Variants in TTN observed in about 807,000 individuals in gnomAD.
The protein encoded by TTN is connectin.
In TTN, 1,525 loss-of-function variants were observed where a neutral mutation model predicts 3,223.0. The ratio of observed to expected loss-of-function variants is 0.47; its 90% CI spans 0.45 to 0.49. The LOEUF (loss-of-function observed/expected upper bound fraction) is 0.49, where lower values mean the gene tolerates loss of function less well. Ranked by LOEUF, TTN falls within the 20% of genes least tolerant of loss-of-function variation. The pLI, the probability that TTN is intolerant of heterozygous loss-of-function variation, is 0.00. For missense variants in TTN, 40,786 were observed against 43,424.0 expected (o/e 0.94, Z 5.40); for synonymous variants, 14,094 against 15,161.0 (o/e 0.93, Z 5.17).
In TTN at chr2:178,624,417, T is replaced by A. The variant is rs761736420; in HGVS notation, c.44815+48A>T. 3.7e-6 allele frequency: 6 copies of A among 1,605,420 alleles called. No homozygotes were observed. In the Admixed American group the frequency reaches 1.0e-4, roughly 27 times the overall value. On this transcript the variant is annotated intron_variant, in intron 242 of 362. Coordinates refer to ENST00000589042, the MANE Select transcript of TTN (RefSeq NM_001267550.2). ...GTGTTGTGTTGTTTTGTTGTTGTAG[T>A]TATTAAAGAATTGCAAATGAAAAGT... is the stretch of plus-strand genomic sequence containing the variant.
chr2:178,554,735 C>T lies in TTN; in HGVS notation c.88612G>A (p.Gly29538Ser). Residue 29538 changes from glycine (G) to serine (S), a missense_variant, in exon 332 of 363, where the codon GGT (glycine) becomes AGT (serine). Physicochemically the swap from Gly to Ser is moderately conservative, Grantham distance 56. Coordinates refer to ENST00000589042, the MANE Select transcript of TTN (RefSeq NM_001267550.2). ...VQILDKPGPP[G>S]GPIEFKTVTA... ...ACAGTCTTAAATTCAATTGGTCCAC[C>T]AGGTGGGCCTGGTTTGTCTATCAGT... 2 of 1,613,754 alleles carry T rather than the reference C, an allele frequency of 1.2e-6. No individual in the cohort carries two copies. The highest frequency in any genetic ancestry group is 1.7e-6 in the Non-Finnish European group (2 of 1,179,806).
chr2:178,750,571 T>G (rs777091087), intron 47 of TTN: 154 of 1,612,366 alleles, frequency 9.6e-5, no homozygotes, highest in Non-Finnish European at 1.3e-4. Context: ...GAAATGAAGG[T>G]GGGCAACGTT....
rs990374887 is a variant in TTN at position 178,540,215 on chromosome 2, T to A, written c.97951A>T (p.Asn32651Tyr). ...KVDQHEWTKC[N>Y]TTPTKIREYT... is the part of the protein sequence containing the mutation. ...TCTCGAATCTTGGTTGGAGTGGTGT[T>A]ACACTTGGTCCATTCATGTTGATCT... The change falls in exon 351 of 363, where the codon AAC (asparagine) becomes TAC (tyrosine). Residue 32651 changes from asparagine (N) to tyrosine (Y), a missense_variant. Transcript: ENST00000589042. 1.2e-6 allele frequency: 2 copies of A among 1,613,810 alleles called. No individual in the cohort carries two copies. The highest frequency in any genetic ancestry group is 1.7e-6 in the Non-Finnish European group (2 of 1,179,762).
In TTN at chr2:178,689,290, C is replaced by T. The variant is rs769767708; in HGVS notation, c.32011G>A (p.Val10671Met). The T allele has an allele frequency of 1.9e-6, 3 of 1,611,164 alleles. No homozygotes were observed. Among genetic ancestry groups the T allele is most frequent in the Non-Finnish European group, 2.5e-6 (3 of 1,179,234 alleles). The change falls in exon 124 of 363, where the codon GTG becomes ATG. Residue 10671 changes from valine to methionine, a missense_variant and splice_region_variant. Coordinates refer to ENST00000589042, the MANE Select transcript of TTN (RefSeq NM_001267550.2). The stretch of plus-strand genomic sequence containing the variant: ...TCTTGGGAAGATGGAGAAACAATAC[C>T]TTTTGGTGGTGGTGGAACTTCTTCC... Reference protein sequence around the residue: ...KEEEVPPPPKVPALPKKPVPE... With the variant: ...KEEEVPPPPKMPALPKKPVPE...
Position 178,566,407 on chromosome 2 carries a change from T to A in TTN, c.79725A>T (p.Thr26575=). The stretch of plus-strand genomic sequence containing the variant: ...CTGGTTTCACAGTACCAGGAACTGA[T>A]GTAGCCTCACCTAAACCAACTTTGT... The part of the protein sequence containing the change: ...ALNKVGLGEA[T]SVPGTVKPED... Residue 26575 remains threonine, a synonymous_variant, in exon 326 of 363, where the codon ACA becomes ACT. Coordinates refer to ENST00000589042, the MANE Select transcript of TTN (RefSeq NM_001267550.2). The A allele has an allele frequency of 6.2e-7, 1 of 1,613,512 alleles. No homozygotes were observed. Among genetic ancestry groups the A allele is most frequent in the South Asian group, 1.1e-5 (1 of 91,078 alleles).
In TTN at chr2:178,638,556, C is replaced by CT. The variant is rs879843623; in HGVS notation, c.40877-1138dup. The stretch of plus-strand genomic sequence containing the variant: ...ACTGTGGAATGTAACAAATAGTTCT[C>CT]TTTTTTTTTTTTTAAATTCACCCTG... On this transcript the variant is annotated intron_variant, in intron 223 of 362. Coordinates refer to ENST00000589042, the MANE Select transcript of TTN (RefSeq NM_001267550.2). 1.1e-3 allele frequency among the ~76,000 whole-genome samples: 156 copies of CT among 141,774 alleles called. No homozygotes were observed. In the South Asian group the frequency reaches 0.014, roughly 12 times the overall value. 93.0% of individuals were successfully genotyped at this position (141,774 alleles called of 152,430 possible).
In TTN at chr2:178,530,398, C is replaced by T. The variant is rs371304729; in HGVS notation, c.106217G>A (p.Arg35406Lys). Residue 35406 changes from arginine to lysine, a missense_variant, in exon 358 of 363, where the codon AGA becomes AAA. Coordinates refer to ENST00000589042, the MANE Select transcript of TTN (RefSeq NM_001267550.2). ...DQKTTESTVT[R>K]KTEPKAPEPI... ...TTCAGGAGCTTTTGGTTCAGTTTTTCTGGTTACTGTTGACTCAGTGGTTTT... is the reference window on the plus strand; with the variant it reads ...TTCAGGAGCTTTTGGTTCAGTTTTTTTGGTTACTGTTGACTCAGTGGTTTT... The T allele has an allele frequency of 3.1e-6, 5 of 1,613,790 alleles. No individual in the cohort carries two copies. The Admixed American group carries it at 6.7e-5, about 22-fold the overall frequency.
chr2:178,736,475 G>A (rs958310302), intron 49 of TTN, among the ~76,000 whole-genome samples: 1 of 152,208 alleles, frequency 6.6e-6, no homozygotes, highest in African/African-American at 2.4e-5. Context: ...GATATTAAGT[G>A]ATAAGAAGAT....
chr2:178,577,029 G>T lies in TTN; in HGVS notation c.69306C>A (p.Thr23102=). ...EDIQSCRHVA[T]KLIQGNEYIF... ...TGTACTCATTTCCTTGGATAAGTTT[G>T]GTTGCCACATGCCTGCAAGACTGAA... Residue 23102 remains threonine (T), a synonymous_variant, in exon 324 of 363, where the codon ACC becomes ACA. Transcript: ENST00000589042. 1 of 1,613,438 alleles carries T rather than the reference G, an allele frequency of 6.2e-7. No individual in the cohort carries two copies. Among genetic ancestry groups the T allele is most frequent in the Non-Finnish European group, 8.5e-7 (1 of 1,179,572 alleles).
Position 178,720,995 on chromosome 2 carries a change from T to G in TTN, c.23024A>C (p.Asp7675Ala). 1.2e-6 allele frequency: 2 copies of G among 1,612,476 alleles called. No homozygotes were observed. The highest frequency in any genetic ancestry group is 1.7e-6 in the Non-Finnish European group (2 of 1,178,690). ...LLTINEASAE[D>A]SGDYICEAHN... ...AGCCTCACAAATGTAGTCCCCGCTGTCTTCAGCACTAGCTTCATTGATCGT... is the reference window on the plus strand; with the variant it reads ...AGCCTCACAAATGTAGTCCCCGCTGGCTTCAGCACTAGCTTCATTGATCGT... The change falls in exon 79 of 363, where the codon GAC (aspartate) becomes GCC (alanine). Residue 7675 changes from aspartate to alanine, a missense_variant. Asp to Ala is a moderately radical substitution (Grantham distance 126). Coordinates refer to ENST00000589042, the MANE Select transcript of TTN (RefSeq NM_001267550.2).
rs770277382 is a variant in TTN, at chr2:178,728,647, G to A, written c.19279C>T (p.Pro6427Ser). The A allele has an allele frequency of 9.3e-6, 15 of 1,613,126 alleles. No individual in the cohort carries two copies. In the Admixed American group the frequency reaches 2.5e-4, roughly 27 times the overall value. The change falls in exon 66 of 363, where the codon CCC (proline) becomes TCC (serine). Residue 6427 changes from proline to serine, a missense_variant. Transcript: ENST00000589042. ...AAACTCATTGAAAAGTATCTACTGG[G>A]AACTATTTGTTTCCCGTCTTTAAGC... ...KWLKDGKQIVPSRYFSMSFEN... is the reference protein window; with the variant it reads ...KWLKDGKQIVSSRYFSMSFEN...
intron 293 of TTN, 34 bp from the exon 294 acceptor site, chr2:178,597,853 T>C (rs527943187): frequency 4.3e-6 from 7 of 1,612,412 alleles, no homozygotes; most frequent in Non-Finnish European, 5.9e-6. Flanking sequence ...ATGTGATTTT[T>C]CCCCTTCAAT....
rs2154171639 is a variant in TTN at position 178,574,550 on chromosome 2, T to C, written c.71582A>G (p.Tyr23861Cys). The C allele has an allele frequency of 6.2e-7, 1 of 1,613,588 alleles. No homozygotes were observed. The highest frequency in any genetic ancestry group is 8.5e-7 in the Non-Finnish European group (1 of 1,179,630). Residue 23861 changes from tyrosine (Y) to cysteine (C), a missense_variant, in exon 326 of 363, where the codon TAT (tyrosine) becomes TGT (cysteine). Coordinates refer to ENST00000589042, the MANE Select transcript of TTN (RefSeq NM_001267550.2). Reference protein sequence around the residue: ...LSDGGSPILGYHVERKERNGI... With the variant: ...LSDGGSPILGCHVERKERNGI... ...ATTTCGTTCTTTTCTTTCAACATGA[T>C]ATCCTAAAATGGGGCTTCCACCATC... is the stretch of plus-strand genomic sequence containing the variant.
chr2:178,762,017 G>A (rs552879580), intron 43 of TTN, among the ~76,000 whole-genome samples: 1 of 152,076 alleles, frequency 6.6e-6, no homozygotes, highest in East Asian at 1.9e-4. Flanking sequence ...TAACATTTTC[G>A]CTGTTAGAAA....
Position 178,636,523 on chromosome 2 carries a change from A to G in TTN, c.41204T>C (p.Ile13735Thr), listed in dbSNP as rs2060462916. The change falls in exon 225 of 363, where the codon ATT (isoleucine) becomes ACT (threonine). Residue 13735 changes from isoleucine (I) to threonine (T), a missense_variant. Physicochemically the swap from Ile to Thr is moderately conservative, Grantham distance 89 (BLOSUM62 -1). Transcript: ENST00000589042. The surrounding 1 kb of genome is among the most constrained non-coding windows in gnomAD (Gnocchi z 4.3). ...CAGCTTTCTGTCTTTACCATCTGCA[A>G]TAAACCTGTGCTTGGGACTCTCACG... Reference protein sequence around the residue: ...NIRESPKHRFIADGKDRKLHI... With the variant: ...NIRESPKHRFTADGKDRKLHI... 1.2e-6 allele frequency: 2 copies of G among 1,613,492 alleles called. No homozygotes were observed. Among genetic ancestry groups the G allele is most frequent in the Non-Finnish European group, 1.7e-6 (2 of 1,179,590 alleles).
chr2:178,702,723 G>A, intron 106 of TTN, 60 bp from the exon 107 acceptor site: 1 of 1,472,224 alleles, frequency 6.8e-7, no homozygotes, highest in Non-Finnish European at 9.2e-7. Flanking sequence ...TCTTTTACTT[G>A]CTTTTACCTC....
Position 178,740,635 on chromosome 2 carries a change from C to T in TTN, c.12598G>A (p.Glu4200Lys). The T allele has an allele frequency of 1.2e-6, 2 of 1,613,726 alleles. No homozygotes were observed. The highest frequency in any genetic ancestry group is 1.7e-6 in the Non-Finnish European group (2 of 1,179,806). Reference protein sequence around the residue: ...SIEQINSLTVEPLKTLLAEPE... With the variant: ...SIEQINSLTVKPLKTLLAEPE... ...TCAGCTAATAAAGTTTTCAGAGGCT[C>T]AACTGTTAATGAATTAATTTGTTCT... Residue 4200 changes from glutamate (E) to lysine (K), a missense_variant, in exon 48 of 363, where the codon GAG becomes AAG. Transcript: ENST00000589042.
chr2:178,655,234 C>A (rs2063806521), intron 189 of TTN, among the ~76,000 whole-genome samples: 1 of 139,212 alleles, frequency 7.2e-6, no homozygotes, highest in Non-Finnish European at 1.5e-5. Flanking sequence ...AATTCAACAG[C>A]CCTTCATGCT....
In TTN at chr2:178,633,428, T is replaced by C. The variant is rs767640666; in HGVS notation, c.42931A>G (p.Asn14311Asp). 8 of 1,613,312 alleles carry C rather than the reference T, an allele frequency of 5.0e-6. No individual in the cohort carries two copies. The South Asian group carries it at 7.7e-5, about 16-fold the overall frequency. ...AGCAACTCACCCTCAACAGTAACAT[T>C]TGCCTTGGTCTTGTCTGTGCCACAG... ...CDCGTDKTKA[N>D]VTVEARLIKV... Residue 14311 changes from asparagine (N) to aspartate (D), a missense_variant, in exon 232 of 363, where the codon AAT becomes GAT. Asn to Asp is a conservative substitution (Grantham distance 23). Coordinates refer to ENST00000589042, the MANE Select transcript of TTN (RefSeq NM_001267550.2).
Sources: allele counts gnomAD v4.1 joint callset (sites outside exome capture counted in the v4.1 genomes callset), GRCh38; gene constraint gnomAD v4.1.1; non-coding constraint Gnocchi (gnomAD v3.1); transcripts MANE v1.5; gene names NCBI Gene and HGNC (gene_info 2026-07-23, HGNC 2026-07-21).